The following FRMD4A variants were observed in gnomAD, a reference collection of about 807,000 sequenced individuals.
FRMD4A encodes FERM domain-containing protein 4A.
FRMD4A carries 29 observed loss-of-function variants against 129.1 expected under a neutral mutation model. The ratio of observed to expected loss-of-function variants is 0.22; its 90% CI spans 0.17 to 0.31. The LOEUF is 0.31. Among genes scored for constraint, FRMD4A ranks in the 10% least tolerant of loss-of-function variants. The pLI is 1.00. For missense variants in FRMD4A, 1,272 were observed against 1,375.8 expected, an observed-to-expected ratio of 0.92 and a Z score of 1.19; for synonymous variants, 634 against 571.6, an observed-to-expected ratio of 1.11 and a Z score of -1.56.
chr10:14,070,183 T>A (rs987262508), intron 2 of FRMD4A, among the ~76,000 whole-genome samples: 2 of 152,102 alleles, frequency 1.3e-5, no homozygotes, highest in African/African-American at 4.8e-5. Context: ...GACATGCCCA[T>A]CCCTTGGAAG....
intron 2 of FRMD4A, among the ~76,000 whole-genome samples, chr10:14,275,760 C>T (rs750946374): frequency 3.3e-5 from 5 of 152,056 alleles, no homozygotes; most frequent in East Asian, 1.9e-4. Flanking sequence ...GGTGAGTGGC[C>T]GGGAGTGGCA....
intron 2 of FRMD4A, among the ~76,000 whole-genome samples, chr10:14,104,595 G>A (rs1476360840): frequency 5.9e-5 from 9 of 152,194 alleles, no homozygotes; most frequent in African/African-American, 9.7e-5. Flanking sequence ...CATCTGTGCT[G>A]TAACCCCAGC....
intron 2 of FRMD4A, among the ~76,000 whole-genome samples, chr10:14,122,603 G>C (rs1170430450): frequency 6.6e-6 from 1 of 151,146 alleles, no homozygotes; most frequent in East Asian, 2.0e-4. Flanking sequence ...AGCAAGTGGG[G>C]TGGGGGGTAG....
At chr10:14,185,638 G>A (rs906082973) in intron 2 of FRMD4A, among the ~76,000 whole-genome samples, 5 of 152,214 alleles carry the variant, frequency 3.3e-5, no homozygotes, top group Admixed American at 1.3e-4. Flanking sequence ...CATGGTCAGA[G>A]AGCTGCAGGG....
intron 6 of FRMD4A, among the ~76,000 whole-genome samples, chr10:13,773,636 C>T (rs1462442420): frequency 6.6e-6 from 1 of 152,236 alleles, no homozygotes; most frequent in East Asian, 1.9e-4. Context: ...ACTAAACAGA[C>T]TCTGTCATTT....
At chr10:14,218,169 C>T (rs1445422355) in intron 2 of FRMD4A, among the ~76,000 whole-genome samples, 1 of 152,140 alleles carries the variant, frequency 6.6e-6, no homozygotes, top group Non-Finnish European at 1.5e-5. Flanking sequence ...TATCCAGACA[C>T]TTCCCAATTC....
intron 2 of FRMD4A, among the ~76,000 whole-genome samples, chr10:14,271,472 T>C (rs1173344020): frequency 4.6e-5 from 7 of 152,152 alleles, no homozygotes. Context: ...CTTTGGGATG[T>C]GTGGGAAAAC....
intron 2 of FRMD4A, among the ~76,000 whole-genome samples, chr10:14,172,586 C>A (rs988106981): frequency 1.3e-5 from 2 of 152,222 alleles, no homozygotes; most frequent in African/African-American, 4.8e-5. Flanking sequence ...CTGCACAATA[C>A]TGCGATAGTT....
chr10:13,696,171 G>C (rs969909064), intron 14 of FRMD4A, among the ~76,000 whole-genome samples: 6 of 152,208 alleles, frequency 3.9e-5, no homozygotes, highest in African/African-American at 1.2e-4. Context: ...CTGGCTGCCA[G>C]GCCCTCGAAG....
chr10:13,722,375 G>A (rs772049355), intron 12 of FRMD4A, among the ~76,000 whole-genome samples: 9 of 150,740 alleles, frequency 6.0e-5, no homozygotes, highest in Non-Finnish European at 1.3e-4. Flanking sequence ...GGGACTACAA[G>A]CATGCACCAC....
intron 2 of FRMD4A, among the ~76,000 whole-genome samples, chr10:14,195,430 T>TAAA (rs11357658): frequency 6.8e-6 from 1 of 146,288 alleles, no homozygotes; most frequent in African/African-American, 2.5e-5. Context: ...TTTCTTTCAT[T>TAAA]AAAAAAAAAA....
chr10:13,769,414 T>G (rs1009142409), intron 6 of FRMD4A, among the ~76,000 whole-genome samples: 1 of 152,136 alleles, frequency 6.6e-6, no homozygotes, highest in African/African-American at 2.4e-5. Context: ...GTTCGAGCGA[T>G]TCTTGTGCCT....
intron 2 of FRMD4A, among the ~76,000 whole-genome samples, chr10:14,070,086 A>C (rs1835248655): frequency 6.6e-6 from 1 of 151,892 alleles, no homozygotes; most frequent in African/African-American, 2.4e-5. Context: ...CTCAAATCAC[A>C]CATTTACCAG....
intron 2 of FRMD4A, among the ~76,000 whole-genome samples, chr10:14,307,044 A>T (rs567234370): frequency 2.0e-5 from 3 of 152,332 alleles, no homozygotes; most frequent in Admixed American, 6.5e-5. Context: ...ATGCAACTAC[A>T]TTGATGACAG....
At chr10:13,905,655 A>G (rs1160749188) in intron 2 of FRMD4A, among the ~76,000 whole-genome samples, 1 of 152,244 alleles carries the variant, frequency 6.6e-6, no homozygotes, top group Non-Finnish European at 1.5e-5. Context: ...TTTCTGTGGC[A>G]ACACAACACT....
intron 4 of FRMD4A, among the ~76,000 whole-genome samples, chr10:13,796,856 A>G (rs896864634): frequency 2.0e-5 from 3 of 152,024 alleles, no homozygotes; most frequent in Non-Finnish European, 2.9e-5. Flanking sequence ...AGTAGCTGGG[A>G]CTACAAGCAT....
intron 11 of FRMD4A, among the ~76,000 whole-genome samples, chr10:13,739,972 T>C (rs554248343): frequency 5.3e-5 from 8 of 152,276 alleles, no homozygotes; most frequent in African/African-American, 1.2e-4. Context: ...TGGTGGCGCA[T>C]GCCTGTAATC....
At chr10:13,885,503 G>T (rs1271984765) in intron 2 of FRMD4A, among the ~76,000 whole-genome samples, 3 of 152,184 alleles carry the variant, frequency 2.0e-5, no homozygotes, top group Non-Finnish European at 2.9e-5. Flanking sequence ...ACCAGGGCGA[G>T]GTCCCTCAAT....
intron 2 of FRMD4A, among the ~76,000 whole-genome samples, chr10:14,286,505 C>A (rs889102763): frequency 6.6e-6 from 1 of 152,022 alleles, no homozygotes; most frequent in African/African-American, 2.4e-5. Context: ...CCAGGAAAAT[C>A]AAAATTTTTA....
Sources: allele counts gnomAD v4.1 joint callset (sites outside exome capture counted in the v4.1 genomes callset), GRCh38; gene constraint gnomAD v4.1.1; transcripts MANE v1.5; gene names NCBI Gene and HGNC (gene_info 2026-07-23, HGNC 2026-07-21).